Variants in LMBR1 observed in about 807,000 individuals in gnomAD.
LMBR1 encodes the protein limb region 1 protein homolog.
LMBR1 carries 52 observed loss-of-function variants against 73.9 expected under a neutral mutation model. That is an observed-to-expected ratio of 0.70 (90% CI 0.56 to 0.89). The LOEUF is 0.89. Ranked by LOEUF, LMBR1 falls within the 40% of genes least tolerant of loss-of-function variation. The pLI is 0.00. For missense variants in LMBR1, 539 were observed against 579.8 expected, an observed-to-expected ratio of 0.93 and a Z score of 0.72; for synonymous variants, 215 against 209.4, an observed-to-expected ratio of 1.03 and a Z score of -0.23.
chr7:156,849,998 A>T (rs1190237649), intron 1 of LMBR1, among the ~76,000 whole-genome samples: 1 of 152,204 alleles, frequency 6.6e-6, no homozygotes. Context: ...TTCTCTAAAA[A>T]ATAAAGTCTA....
chr7:156,819,016 A>G (rs1158444799), intron 4 of LMBR1, among the ~76,000 whole-genome samples: 1 of 152,198 alleles, frequency 6.6e-6, no homozygotes, highest in East Asian at 1.9e-4. Context: ...GACAACCACC[A>G]GCCAAAACCC....
intron 4 of LMBR1, among the ~76,000 whole-genome samples, chr7:156,806,891 C>T (rs556809296): frequency 1.3e-5 from 2 of 152,082 alleles, no homozygotes; most frequent in Non-Finnish European, 2.9e-5. Flanking sequence ...GGATTACAGG[C>T]GTGAGCCACT....
intron 15 of LMBR1, among the ~76,000 whole-genome samples, chr7:156,717,323 T>C (rs1813438454): frequency 6.6e-6 from 1 of 152,076 alleles, no homozygotes; most frequent in South Asian, 2.1e-4. Flanking sequence ...CAGGTTCTGT[T>C]TTAGAAATGA....
chr7:156,724,114 A>G lies in LMBR1; in HGVS notation c.1223T>C (p.Leu408Pro). 2 of 1,608,762 alleles carry G rather than the reference A, an allele frequency of 1.2e-6. No homozygotes were observed. The highest frequency in any genetic ancestry group is 1.7e-6 in the Non-Finnish European group (2 of 1,176,892). Residue 408 changes from leucine (L) to proline (P), a missense_variant and splice_region_variant, in exon 15 of 17, where the codon CTG becomes CCG. Around this residue, in one of 3 missense-constraint regions of LMBR1, gnomAD observed 16 missense variants for 37.9 expected, o/e 0.42. Coordinates refer to ENST00000353442, the MANE Select transcript of LMBR1 (RefSeq NM_022458.4). ...GAAAATTTCTCACTGAAACTTACCC[A>G]GTGTTCTCGACATCACAGGCAGAGC... ...SSALPVMSRT[L>P]GITRFDLLGD...
chr7:156,843,674 G>A (rs6966638), intron 1 of LMBR1, among the ~76,000 whole-genome samples: 10,168 of 150,668 alleles, frequency 0.067, 437 homozygotes, highest in African/African-American at 0.11. Flanking sequence ...GACGAAACCC[G>A]GAAACACAAA....
chr7:156,838,891 T>C (rs892751894), intron 1 of LMBR1, among the ~76,000 whole-genome samples: 6 of 152,188 alleles, frequency 3.9e-5, no homozygotes, highest in Non-Finnish European at 7.3e-5. Flanking sequence ...TTATCTTTTG[T>C]GTTTTTGATT....
intron 4 of LMBR1, among the ~76,000 whole-genome samples, chr7:156,799,037 C>CA (rs535464328): frequency 0.056 from 6,914 of 122,652 alleles, 195 homozygotes; most frequent in South Asian, 0.093. Context: ...AATAAAAATA[C>CA]AAAAAAAAAA....
Position 156,748,381 on chromosome 7 carries a change from A to C in LMBR1, c.757+8012T>G, listed in dbSNP as rs185449981. ...AGATAAGATGTTAAGATAATTTTTA[A>C]ACTTTTATGTTTATATAAGCTACTA... is the stretch of plus-strand genomic sequence containing the variant. On this transcript the variant is annotated intron_variant, in intron 9 of 16. Transcript: ENST00000353442. Among the ~76,000 whole-genome samples, 330 of 152,268 alleles carry C rather than the reference A, an allele frequency of 2.2e-3. 5 individuals are homozygous for C. The highest frequency in any genetic ancestry group is 0.014 in the Middle Eastern group (4 of 294).
chr7:156,818,191 T>C (rs1586005161), intron 4 of LMBR1, among the ~76,000 whole-genome samples: 1 of 152,330 alleles, frequency 6.6e-6, no homozygotes, highest in East Asian at 1.9e-4. Context: ...AAAAGTCTGG[T>C]TTTTTGGATC....
intron 9 of LMBR1, among the ~76,000 whole-genome samples, chr7:156,748,753 T>A (rs1820301369): frequency 6.6e-6 from 1 of 152,214 alleles, no homozygotes; most frequent in African/African-American, 2.4e-5. Context: ...CCTCCCAAAG[T>A]GTTGGGATTA....
intron 9 of LMBR1, 53 bp from the exon 10 acceptor site, chr7:156,734,310 A>T: frequency 8.9e-7 from 1 of 1,121,842 alleles, no homozygotes; most frequent in Non-Finnish European, 1.3e-6. Flanking sequence ...AACACTATAG[A>T]ACAGGTAGCC....
chr7:156,803,249 T>C (rs1831338362), intron 4 of LMBR1, among the ~76,000 whole-genome samples: 1 of 151,738 alleles, frequency 6.6e-6, no homozygotes, highest in Admixed American at 6.6e-5. Flanking sequence ...TGCAACTTAC[T>C]CATCTGACAA....
chr7:156,739,464 G>C (rs1818494427), intron 9 of LMBR1, among the ~76,000 whole-genome samples: 1 of 152,200 alleles, frequency 6.6e-6, no homozygotes, highest in South Asian at 2.1e-4. Context: ...CAGTAGCCAA[G>C]CAGTGTTTAC....
chr7:156,870,489 G>C (rs1474446775), intron 1 of LMBR1, among the ~76,000 whole-genome samples: 1 of 152,184 alleles, frequency 6.6e-6, no homozygotes, highest in Non-Finnish European at 1.5e-5. Flanking sequence ...CAAGATGCCG[G>C]GCGCAGTGGC....
intron 1 of LMBR1, among the ~76,000 whole-genome samples, chr7:156,866,266 C>T (rs1331125408): frequency 6.6e-6 from 1 of 151,878 alleles, no homozygotes; most frequent in Non-Finnish European, 1.5e-5. Flanking sequence ...GAGTGACAGG[C>T]GATTGCAATC....
In LMBR1 at chr7:156,762,834, T is replaced by TGA. The variant is rs373622358; in HGVS notation, c.619+273_619+274insTC. The stretch of plus-strand genomic sequence containing the variant: ...ATGACTGTATATGAGTGTGTGAAAG[T>TGA]GTGTGAGTGTGAGTGTGTGTGTGTG... On this transcript the variant is annotated intron_variant, in intron 7 of 16. Transcript: ENST00000353442. Among the ~76,000 whole-genome samples the TGA allele has an allele frequency of 9.8e-3, 1,037 of 106,118 alleles. 3 individuals carry two copies. The highest frequency in any genetic ancestry group is 0.052 in the Middle Eastern group (13 of 252). 69.6% of individuals were successfully genotyped at this position (106,118 alleles called of 152,430 possible). A position where few individuals can be genotyped will look rare whatever the true frequency, so the allele number is the denominator to read the frequency against.
intron 4 of LMBR1, among the ~76,000 whole-genome samples, chr7:156,824,559 T>A (rs192775971): frequency 2.0e-5 from 3 of 152,030 alleles, no homozygotes; most frequent in Non-Finnish European, 4.4e-5. Flanking sequence ...GTGTCACACA[T>A]AAAAAGTGAC....
intron 15 of LMBR1, among the ~76,000 whole-genome samples, chr7:156,718,222 T>C (rs950155781): frequency 2.0e-5 from 3 of 150,724 alleles, no homozygotes; most frequent in African/African-American, 7.3e-5. Flanking sequence ...CAATATGGCA[T>C]AACCCCGTCT....
intron 15 of LMBR1, among the ~76,000 whole-genome samples, chr7:156,723,033 T>C (rs1473394395): frequency 6.6e-6 from 1 of 152,086 alleles, no homozygotes; most frequent in Non-Finnish European, 1.5e-5. Flanking sequence ...ATTTTCAAGA[T>C]TCACATAAGC....
Sources: gnomAD v4.1 joint callset for allele counts (sites outside exome capture counted in the v4.1 genomes callset) on GRCh38, gnomAD v4.1.1 for gene constraint, gnomAD v4.1.1 regional missense constraint, MANE v1.5 for transcripts, NCBI Gene and HGNC (gene_info 2026-07-23, HGNC 2026-07-21) for gene names.